CHST11: variants seen among roughly 807,000 people sequenced by gnomAD.
CHST11 encodes C4S-1.
In CHST11, 9 loss-of-function variants were observed where a neutral mutation model predicts 30.4. The observed-to-expected ratio is 0.30, with a 90% confidence interval of 0.18 to 0.52. CHST11 has a LOEUF of 0.52. CHST11 is among the 20% of genes least tolerant of loss of function. The pLI is 0.97. For missense variants in CHST11, 348 were observed against 460.6 expected (o/e 0.76, Z 2.24); for synonymous variants, 152 against 187.8 (o/e 0.81, Z 1.56).
intron 1 of CHST11, among the ~76,000 whole-genome samples, chr12:104,556,805 A>C (rs2136013466): frequency 6.6e-6 from 1 of 152,280 alleles, no homozygotes; most frequent in Admixed American, 6.5e-5. Flanking sequence ...ACATGGTGAA[A>C]CCCTGTCTCT....
At chr12:104,683,277 C>T (rs1034255228) in intron 2 of CHST11, among the ~76,000 whole-genome samples, 1 of 152,168 alleles carries the variant, frequency 6.6e-6, no homozygotes, top group African/African-American at 2.4e-5. Flanking sequence ...GCTAGCTCCC[C>T]ACCCCAAAAC....
Position 104,605,702 on chromosome 12 carries a change from G to T in CHST11, c.204+3711G>T, listed in dbSNP as rs114021423. 1.6e-3 allele frequency among the ~76,000 whole-genome samples: 251 copies of T among 152,312 alleles called. 1 individual carries two copies. The highest frequency in any genetic ancestry group is 5.6e-3 in the African/African-American group (231 of 41,572). On this transcript the variant is annotated intron_variant, in intron 2 of 2. Coordinates refer to ENST00000303694, the MANE Select transcript of CHST11 (RefSeq NM_018413.6). ...GGCCCCAAAATAAAATGTAATTGCC[G>T]ATCAGATCAGCTGGAATCAAGTCAC...
chr12:104,521,015 T>C (rs1217731163), intron 1 of CHST11, among the ~76,000 whole-genome samples: 1 of 152,218 alleles, frequency 6.6e-6, no homozygotes, highest in East Asian at 1.9e-4. Flanking sequence ...ATTAGACATG[T>C]CTTTTTTTCC....
At position 104,750,428 on chromosome 12, in the gene CHST11, C is replaced by CCTTTTTTTTT. The variant is rs1420945578; in HGVS notation, c.205-6521_205-6520insCTTTTTTTTT. 1.8e-4 allele frequency among the ~76,000 whole-genome samples: 9 copies of CCTTTTTTTTT among 48,834 alleles called. 1 individual carries two copies. Among genetic ancestry groups the CCTTTTTTTTT allele is most frequent in the African/African-American group, 7.3e-4 (9 of 12,320 alleles). The allele number at this position is 48,834 out of a possible 152,430, so 32.0% of individuals were successfully genotyped here. On this transcript the variant is annotated intron_variant, in intron 2 of 2. Coordinates refer to ENST00000303694, the MANE Select transcript of CHST11 (RefSeq NM_018413.6). ...GTGTACCTGGTTTTATATTTCTGCACTTTTTTTTTTTTTTTTTTTTTTTTT... is the reference window on the plus strand; with the variant it reads ...GTGTACCTGGTTTTATATTTCTGCACCTTTTTTTTTTTTTTTTTTTTTTTTTTTTTTTTTT...
intron 1 of CHST11, among the ~76,000 whole-genome samples, chr12:104,536,136 C>T (rs905626140): frequency 2.0e-5 from 3 of 152,056 alleles, no homozygotes; most frequent in African/African-American, 4.8e-5. Flanking sequence ...CTGGCAGGGA[C>T]GTGAAAATGA....
At chr12:104,731,755 T>G (rs914041151) in intron 2 of CHST11, among the ~76,000 whole-genome samples, 2 of 152,258 alleles carry the variant, frequency 1.3e-5, no homozygotes, top group Non-Finnish European at 2.9e-5. Flanking sequence ...GGTTTCCTAT[T>G]TTTAGTTCCC....
At chr12:104,690,853 A>T (rs1453718152) in intron 2 of CHST11, among the ~76,000 whole-genome samples, 1 of 152,026 alleles carries the variant, frequency 6.6e-6, no homozygotes, top group East Asian at 1.9e-4. Flanking sequence ...AATAAAAGAG[A>T]TATGAGCAAG....
At chr12:104,586,845 GTC>G (rs2136036310) in intron 1 of CHST11, among the ~76,000 whole-genome samples, 3 of 152,342 alleles carry the variant, frequency 2.0e-5, no homozygotes, top group African/African-American at 7.2e-5. Flanking sequence ...TTGCAGTGCT[GTC>G]TCTCTTGTTT....
chr12:104,670,508 C>T (rs2039682630), intron 2 of CHST11, among the ~76,000 whole-genome samples: 1 of 151,568 alleles, frequency 6.6e-6, no homozygotes, highest in Admixed American at 6.6e-5. Flanking sequence ...CACACTCACA[C>T]AAACACATCC....
chr12:104,756,869 G>A (rs778834471), intron 2 of CHST11, 80 bp from the exon 3 acceptor site: 4 of 1,496,150 alleles, frequency 2.7e-6, no homozygotes, highest in Admixed American at 1.9e-5. Flanking sequence ...TGAACGGGTG[G>A]ATTTATGATC....
At chr12:104,619,212 G>T (rs1049872262) in intron 2 of CHST11, among the ~76,000 whole-genome samples, 2 of 152,196 alleles carry the variant, frequency 1.3e-5, no homozygotes, top group Non-Finnish European at 2.9e-5. Context: ...TACACCTCTC[G>T]GTTTCCTGGA....
chr12:104,635,485 A>G (rs936474868), intron 2 of CHST11, among the ~76,000 whole-genome samples: 3 of 152,194 alleles, frequency 2.0e-5, no homozygotes, highest in African/African-American at 7.2e-5. Context: ...GGTTGGAAGG[A>G]GAATTCAGGA....
chr12:104,695,882 C>T (rs1185865966), intron 2 of CHST11, among the ~76,000 whole-genome samples: 3 of 152,118 alleles, frequency 2.0e-5, no homozygotes, highest in Non-Finnish European at 4.4e-5. Context: ...GTGGGGCAGC[C>T]CTGGAGGAGC....
At chr12:104,674,438 G>A (rs536866217) in intron 2 of CHST11, among the ~76,000 whole-genome samples, 1 of 152,290 alleles carries the variant, frequency 6.6e-6, no homozygotes, top group East Asian at 1.9e-4. Context: ...ACATTTTAGA[G>A]ATGAACAAAC....
At chr12:104,497,806 C>G (rs528632767) in intron 1 of CHST11, among the ~76,000 whole-genome samples, 61 of 152,058 alleles carry the variant, frequency 4.0e-4, no homozygotes, top group African/African-American at 1.4e-3. Flanking sequence ...TGTGATCAGC[C>G]TGCTGTTTCT....
chr12:104,478,028 C>A (rs187401411), intron 1 of CHST11, among the ~76,000 whole-genome samples: 273 of 152,256 alleles, frequency 1.8e-3, no homozygotes, highest in African/African-American at 6.4e-3. Context: ...GAAGCCTCTC[C>A]AGGGAGCTGT....
intron 1 of CHST11, among the ~76,000 whole-genome samples, chr12:104,467,291 T>A (rs1314369634): frequency 6.6e-6 from 1 of 152,224 alleles, no homozygotes; most frequent in Non-Finnish European, 1.5e-5. Context: ...AGTTAAAATT[T>A]TTTTAGGTTA....
chr12:104,639,148 C>A (rs1411940112), intron 2 of CHST11, among the ~76,000 whole-genome samples: 2 of 152,192 alleles, frequency 1.3e-5, no homozygotes, highest in Non-Finnish European at 2.9e-5. Flanking sequence ...GTGGCAGGAA[C>A]TTCTGATTAA....
chr12:104,484,881 T>C (rs978573288), intron 1 of CHST11, among the ~76,000 whole-genome samples: 4 of 152,052 alleles, frequency 2.6e-5, no homozygotes, highest in African/African-American at 7.2e-5. Context: ...GATGTGGGGA[T>C]TGTTGGAAAA....
Sources: gnomAD v4.1 joint callset for allele counts (sites outside exome capture counted in the v4.1 genomes callset) on GRCh38, gnomAD v4.1.1 for gene constraint, MANE v1.5 for transcripts, NCBI Gene and HGNC (gene_info 2026-07-23, HGNC 2026-07-21) for gene names.